SPIDR: variants seen among roughly 807,000 people sequenced by gnomAD.
The protein encoded by SPIDR is scaffold protein involved in DNA repair, also known as DNA repair-scaffolding protein.
In SPIDR, 93 loss-of-function variants were observed where a neutral mutation model predicts 104.6. That is an observed-to-expected ratio of 0.89 (90% CI 0.75 to 1.06). The LOEUF is 1.06. Among genes scored for constraint, SPIDR ranks in the 50% least tolerant of loss-of-function variants. The pLI is 0.00. For synonymous variants in SPIDR, 431 were observed against 416.9 expected (o/e 1.03, Z -0.41); for missense variants, 1,154 against 1,111.2 (o/e 1.04, Z -0.55).
chr8:47,706,316 C>A (rs1191930370), intron 14 of SPIDR, among the ~76,000 whole-genome samples: 1 of 152,218 alleles, frequency 6.6e-6, no homozygotes, highest in Admixed American at 6.5e-5. Context: ...TGGTGTGAAC[C>A]TGGGAGGCGG....
chr8:47,605,724 G>T (rs753038159), intron 10 of SPIDR, among the ~76,000 whole-genome samples: 1 of 152,026 alleles, frequency 6.6e-6, no homozygotes, highest in Non-Finnish European at 1.5e-5. Flanking sequence ...GGACTGATTG[G>T]GATGATGTAT....
intron 8 of SPIDR, among the ~76,000 whole-genome samples, chr8:47,544,736 GTA>G (rs1288900980): frequency 6.6e-6 from 1 of 152,220 alleles, no homozygotes; most frequent in Non-Finnish European, 1.5e-5. Context: ...TACAGAAGCT[GTA>G]TGTCTTGAAA....
intron 4 of SPIDR, 125 bp from the exon 5 acceptor site, chr8:47,293,742 C>G (rs1249680904): frequency 3.7e-6 from 4 of 1,081,728 alleles, no homozygotes; most frequent in African/African-American, 1.6e-5. Flanking sequence ...GCTATTGTGC[C>G]TGGCCCTAAA....
chr8:47,660,600 G>T, intron 10 of SPIDR: 2 of 838,790 alleles, frequency 2.4e-6, no homozygotes, highest in Non-Finnish European at 2.9e-6. Context: ...AGTGTGGGTG[G>T]CTAGGGGCAG....
chr8:47,268,675 C>A (rs2034602286), intron 1 of SPIDR, among the ~76,000 whole-genome samples: 1 of 151,914 alleles, frequency 6.6e-6, no homozygotes, highest in African/African-American at 2.4e-5. Flanking sequence ...CCAGGCTGGT[C>A]TCAAATTCCT....
intron 2 of SPIDR, among the ~76,000 whole-genome samples, chr8:47,281,007 C>T (rs1401432957): frequency 2.0e-5 from 3 of 152,168 alleles, no homozygotes; most frequent in Non-Finnish European, 2.9e-5. Flanking sequence ...AGGTTTGGTT[C>T]AGGACCAACA....
At chr8:47,405,291 CGT>C (rs34302817) in intron 6 of SPIDR, among the ~76,000 whole-genome samples, 9,905 of 144,498 alleles carry the variant, frequency 0.069, 466 homozygotes, top group African/African-American at 0.15. Flanking sequence ...CAACATGGCA[CGT>C]GTGTGTGTGT....
At chr8:47,402,741 C>A (rs2062081396) in intron 6 of SPIDR, among the ~76,000 whole-genome samples, 1 of 152,108 alleles carries the variant, frequency 6.6e-6, no homozygotes, top group South Asian at 2.1e-4. Flanking sequence ...AGTCCAGGAC[C>A]AGACGGATTC....
intron 8 of SPIDR, among the ~76,000 whole-genome samples, chr8:47,535,563 C>CATA (rs1423250386): frequency 2.0e-5 from 3 of 151,964 alleles, no homozygotes; most frequent in Non-Finnish European, 4.4e-5. Context: ...CTACCCTGAC[C>CATA]AAGTTTACCA....
At chr8:47,445,250 A>T (rs958350837) in intron 8 of SPIDR, among the ~76,000 whole-genome samples, 4 of 152,206 alleles carry the variant, frequency 2.6e-5, no homozygotes, top group African/African-American at 9.6e-5. Context: ...TCTATATCAC[A>T]TTTGAATAAT....
intron 8 of SPIDR, among the ~76,000 whole-genome samples, chr8:47,473,798 T>C (rs1463642485): frequency 6.6e-6 from 1 of 152,206 alleles, no homozygotes; most frequent in Non-Finnish European, 1.5e-5. Flanking sequence ...AGATCCCAAC[T>C]GATTTGTGAG....
At chr8:47,572,555 G>A (rs972685596) in intron 8 of SPIDR, among the ~76,000 whole-genome samples, 1 of 151,884 alleles carries the variant, frequency 6.6e-6, no homozygotes, top group Non-Finnish European at 1.5e-5. Context: ...CCAGCTACTC[G>A]GGAGGCTGAG....
chr8:47,669,772 C>T (rs1333364853), intron 10 of SPIDR, among the ~76,000 whole-genome samples: 1 of 152,102 alleles, frequency 6.6e-6, no homozygotes, highest in East Asian at 1.9e-4. Context: ...GAGGCCAAGG[C>T]GGGTGGATCA....
At chr8:47,269,405 G>C (rs1455963129) in intron 1 of SPIDR, among the ~76,000 whole-genome samples, 2 of 151,580 alleles carry the variant, frequency 1.3e-5, no homozygotes, top group African/African-American at 4.8e-5. Flanking sequence ...TTAGAGGCGT[G>C]TGCCACCATG....
chr8:47,613,637 T>G (rs1006770949), intron 10 of SPIDR, among the ~76,000 whole-genome samples: 6 of 152,184 alleles, frequency 3.9e-5, no homozygotes, highest in African/African-American at 1.4e-4. Context: ...CTCCACATCC[T>G]CGCCAGCACT....
chr8:47,555,688 T>G (rs2091237602), intron 8 of SPIDR, among the ~76,000 whole-genome samples: 1 of 152,152 alleles, frequency 6.6e-6, no homozygotes, highest in Admixed American at 6.5e-5. Context: ...GGCTTCTTTG[T>G]GAAGGGAGAC....
chr8:47,434,361 G>T (rs974025573), intron 7 of SPIDR, among the ~76,000 whole-genome samples: 1 of 152,072 alleles, frequency 6.6e-6, no homozygotes, highest in African/African-American at 2.4e-5. Flanking sequence ...GAAAAGGAAC[G>T]GTGGACACTT....
At chr8:47,434,427 T>C (rs2067909196) in intron 7 of SPIDR, among the ~76,000 whole-genome samples, 1 of 152,166 alleles carries the variant, frequency 6.6e-6, no homozygotes, top group Non-Finnish European at 1.5e-5. Context: ...CTAGAACATA[T>C]GTTTTAGAGC....
chr8:47,574,221 T>C (rs948067764), intron 8 of SPIDR, among the ~76,000 whole-genome samples: 2 of 152,258 alleles, frequency 1.3e-5, no homozygotes, highest in African/African-American at 2.4e-5. Flanking sequence ...CCAAAAATCC[T>C]TTTATTGCCA....
Sources: allele counts gnomAD v4.1 joint callset (sites outside exome capture counted in the v4.1 genomes callset), GRCh38; gene constraint gnomAD v4.1.1; transcripts MANE v1.5; gene names NCBI Gene and HGNC (gene_info 2026-07-23, HGNC 2026-07-21).